DCC: variants seen among roughly 807,000 people sequenced by gnomAD.
The protein encoded by DCC is DCC netrin 1 receptor, also known as netrin receptor DCC.
DCC carries 58 observed loss-of-function variants against 172.5 expected under a neutral mutation model. That is an observed-to-expected ratio of 0.34 (90% confidence interval 0.27 to 0.42). DCC has a LOEUF of 0.42. Ranked by LOEUF, DCC falls within the 10% of genes least tolerant of loss-of-function variation. The pLI, the probability that DCC is intolerant of heterozygous loss-of-function variation, is 1.00. For missense variants in DCC, 1,740 were observed against 1,791.0 expected, an observed-to-expected ratio of 0.97 and a Z score of 0.51; for synonymous variants, 709 against 644.5, an observed-to-expected ratio of 1.10 and a Z score of -1.52.
At chr18:52,936,017 T>C (rs1317650642) in intron 5 of DCC, among the ~76,000 whole-genome samples, 1 of 152,116 alleles carries the variant, frequency 6.6e-6, no homozygotes. Flanking sequence ...TCCTCTACAA[T>C]GTAATTACCA....
At chr18:52,685,713 C>T (rs2035820282) in intron 1 of DCC, among the ~76,000 whole-genome samples, 1 of 152,116 alleles carries the variant, frequency 6.6e-6, no homozygotes, top group Non-Finnish European at 1.5e-5. Flanking sequence ...CTTCCTTTCT[C>T]TGTTGTCCAC....
At chr18:52,912,824 C>T (rs1260776545) in intron 3 of DCC, among the ~76,000 whole-genome samples, 1 of 151,840 alleles carries the variant, frequency 6.6e-6, no homozygotes, top group African/African-American at 2.4e-5. Context: ...CCATACTCAC[C>T]CTCAACTCTG....
intron 1 of DCC, among the ~76,000 whole-genome samples, chr18:52,653,535 A>G (rs981596832): frequency 2.0e-5 from 3 of 152,290 alleles, no homozygotes; most frequent in South Asian, 2.1e-4. Flanking sequence ...AATCTGATAA[A>G]TGCTATAATT....
At chr18:52,845,334 T>C (rs879372669) in intron 2 of DCC, among the ~76,000 whole-genome samples, 1 of 152,208 alleles carries the variant, frequency 6.6e-6, no homozygotes, top group Non-Finnish European at 1.5e-5. Context: ...CAATTTAAAA[T>C]GTGAAAGATA....
chr18:53,035,976 C>T (rs915081081), intron 5 of DCC, among the ~76,000 whole-genome samples: 1 of 151,978 alleles, frequency 6.6e-6, no homozygotes, highest in African/African-American at 2.4e-5. Flanking sequence ...TTGTCACCAA[C>T]TCTACTTATT....
intron 28 of DCC, 131 bp from the exon 29 acceptor site, chr18:53,530,433 G>A: frequency 1.4e-6 from 1 of 737,098 alleles, no homozygotes; most frequent in Non-Finnish European, 2.5e-6. Flanking sequence ...ATATTCCAAG[G>A]ACAGCCCTGG....
chr18:52,951,898 G>A (rs1476150937), intron 5 of DCC, among the ~76,000 whole-genome samples: 3 of 152,150 alleles, frequency 2.0e-5, no homozygotes, highest in Admixed American at 6.5e-5. Context: ...GAGAATATAG[G>A]CAAGTGTAGA....
chr18:53,018,303 C>T (rs888983661), intron 5 of DCC, among the ~76,000 whole-genome samples: 5 of 152,090 alleles, frequency 3.3e-5, no homozygotes, highest in East Asian at 1.9e-4. Flanking sequence ...TATGCTACAG[C>T]GTCAAGCTGT....
At chr18:52,394,091 A>G (rs1464018554) in intron 1 of DCC, among the ~76,000 whole-genome samples, 3 of 152,212 alleles carry the variant, frequency 2.0e-5, no homozygotes, top group East Asian at 3.9e-4. Context: ...TGAGCTAAAA[A>G]CAACAGGTGC....
intron 1 of DCC, among the ~76,000 whole-genome samples, chr18:52,411,716 A>T (rs1008402516): frequency 2.0e-5 from 3 of 152,162 alleles, no homozygotes; most frequent in Non-Finnish European, 4.4e-5. Context: ...TATTAGTCAA[A>T]TGGCTTTAGG....
chr18:53,415,174 T>C (rs1269325426), intron 20 of DCC, among the ~76,000 whole-genome samples: 1 of 152,198 alleles, frequency 6.6e-6, no homozygotes, highest in Non-Finnish European at 1.5e-5. Flanking sequence ...TTTGCTATAA[T>C]AGCGCCACAT....
At chr18:53,418,154 T>C (rs1178428731) in intron 21 of DCC, among the ~76,000 whole-genome samples, 1 of 152,180 alleles carries the variant, frequency 6.6e-6, no homozygotes, top group African/African-American at 2.4e-5. Context: ...ATGTAGTTAG[T>C]TGATCAAGTT....
rs1205153061 is a variant in DCC at position 53,086,354 on chromosome 18, TTTCTTC to T, written c.1261+20207_1261+20212del. On this transcript the variant is annotated intron_variant, in intron 7 of 28. Coordinates refer to ENST00000442544, the MANE Select transcript of DCC (RefSeq NM_005215.4). ...TTCTTCTTCTTCTTCTTCTTCTTCC[TTTCTTC>T]TTCTTCTTCTTCTTCTTCCTTTCTT... Among the ~76,000 whole-genome samples, 19 of 33,900 alleles carry T rather than the reference TTTCTTC, an allele frequency of 5.6e-4. 4 individuals carry two copies. Among genetic ancestry groups the T allele is most frequent in the Middle Eastern group, 0.024 (2 of 82 alleles). 22.2% of individuals were successfully genotyped at this position (33,900 alleles called of 152,430 possible). A position where few individuals can be genotyped will look rare whatever the true frequency, so the allele number is the denominator to read the frequency against.
At chr18:52,373,887 C>G (rs1427523855) in intron 1 of DCC, among the ~76,000 whole-genome samples, 1 of 141,114 alleles carries the variant, frequency 7.1e-6, no homozygotes. Flanking sequence ...TTGGTTGCAT[C>G]ATTTTTTTTT....
intron 1 of DCC, among the ~76,000 whole-genome samples, chr18:52,613,677 G>A (rs2034318416): frequency 6.6e-6 from 1 of 152,148 alleles, no homozygotes; most frequent in Non-Finnish European, 1.5e-5. Context: ...TACCCTGAGA[G>A]CTGGTCTAAC....
intron 5 of DCC, among the ~76,000 whole-genome samples, chr18:53,037,960 G>A (rs377392101): frequency 7.2e-5 from 11 of 151,978 alleles, no homozygotes; most frequent in African/African-American, 2.4e-4. Flanking sequence ...ATGAAAAAAC[G>A]TAAGAACATT....
intron 9 of DCC, among the ~76,000 whole-genome samples, chr18:53,198,412 ATAAATCAT>A (rs1247074080): frequency 6.6e-6 from 1 of 150,412 alleles, no homozygotes; most frequent in Non-Finnish European, 1.5e-5. Flanking sequence ...TTAATCAATT[ATAAATCAT>A]TAAACTGAGC....
intron 7 of DCC, among the ~76,000 whole-genome samples, chr18:53,118,899 A>T (rs944601153): frequency 1.3e-5 from 2 of 151,500 alleles, no homozygotes; most frequent in African/African-American, 4.8e-5. Context: ...TGCTACTTTA[A>T]TTTTTTTTCC....
intron 1 of DCC, among the ~76,000 whole-genome samples, chr18:52,649,395 A>ACTTTATTC (rs2035083446): frequency 6.7e-6 from 1 of 150,058 alleles, no homozygotes; most frequent in Non-Finnish European, 1.5e-5. Context: ...AAAAAGATTA[A>ACTTTATTC]CTTTATTCCA....
Sources: allele counts gnomAD v4.1 joint callset (sites outside exome capture counted in the v4.1 genomes callset), GRCh38; gene constraint gnomAD v4.1.1; transcripts MANE v1.5; gene names NCBI Gene and HGNC (gene_info 2026-07-23, HGNC 2026-07-21).